MGAT4C: variants seen among roughly 807,000 people sequenced by gnomAD.
MGAT4C encodes the protein MGAT4 family member C.
In MGAT4C, 19 loss-of-function variants were observed where a neutral mutation model predicts 40.1. The observed-to-expected ratio is 0.47, with a 90% CI of 0.33 to 0.70. The LOEUF (loss-of-function observed/expected upper bound fraction) is 0.70. Ranked by LOEUF, MGAT4C falls within the 30% of genes least tolerant of loss-of-function variation. The pLI is 0.02. For synonymous variants in MGAT4C, 181 were observed against 187.1 expected, an observed-to-expected ratio of 0.97 and a Z score of 0.27; for missense variants, 491 against 563.2, an observed-to-expected ratio of 0.87 and a Z score of 1.30.
At chr12:86,587,849 C>T (rs887402409) in intron 2 of MGAT4C, among the ~76,000 whole-genome samples, 5 of 151,518 alleles carry the variant, frequency 3.3e-5, no homozygotes, top group Admixed American at 1.3e-4. Context: ...AGATTTTGGG[C>T]TGAGACAATG....
At chr12:86,165,136 G>GA (rs942700405) in intron 1 of MGAT4C, among the ~76,000 whole-genome samples, 1 of 151,504 alleles carries the variant, frequency 6.6e-6, no homozygotes, top group African/African-American at 2.4e-5. Flanking sequence ...TTGGAAGTTA[G>GA]AAAAAAAGGG....
intron 2 of MGAT4C, among the ~76,000 whole-genome samples, chr12:86,548,403 G>A (rs1242647519): frequency 1.3e-5 from 2 of 152,040 alleles, no homozygotes; most frequent in African/African-American, 2.4e-5. Context: ...GTGAAAATAT[G>A]ACAGTTAACA....
chr12:86,450,980 C>T (rs1031357744), intron 2 of MGAT4C, among the ~76,000 whole-genome samples: 1 of 151,964 alleles, frequency 6.6e-6, no homozygotes, highest in Non-Finnish European at 1.5e-5. Context: ...TGTCATATAT[C>T]TGGTAATTTA....
intron 1 of MGAT4C, among the ~76,000 whole-genome samples, chr12:86,747,578 T>C (rs1951170358): frequency 6.6e-6 from 1 of 151,676 alleles, no homozygotes; most frequent in Non-Finnish European, 1.5e-5. Flanking sequence ...CAGCTATGTG[T>C]TAACAAAGGT....
At chr12:86,074,217 G>T (rs2202207) in intron 1 of MGAT4C, among the ~76,000 whole-genome samples, 17,635 of 152,082 alleles carry the variant, frequency 0.12, 2,515 homozygotes, top group African/African-American at 0.34. Context: ...CAGCCATATG[G>T]AACTGTAAGT....
intron 3 of MGAT4C, among the ~76,000 whole-genome samples, chr12:86,358,011 C>A (rs1955357209): frequency 6.6e-6 from 1 of 151,934 alleles, no homozygotes; most frequent in Non-Finnish European, 1.5e-5. Context: ...AAGAACAACC[C>A]CAAAACACAT....
chr12:86,274,395 T>C (rs1486683272), intron 4 of MGAT4C, among the ~76,000 whole-genome samples: 2 of 152,000 alleles, frequency 1.3e-5, no homozygotes, highest in East Asian at 1.9e-4. Flanking sequence ...ACTATATATA[T>C]AGTATAGTAT....
At chr12:86,172,255 G>A (rs903748953) in intron 1 of MGAT4C, among the ~76,000 whole-genome samples, 3 of 152,026 alleles carry the variant, frequency 2.0e-5, no homozygotes, top group African/African-American at 7.2e-5. Context: ...CATAGGTTCA[G>A]CCACTTGTTT....
intron 2 of MGAT4C, among the ~76,000 whole-genome samples, chr12:86,469,829 A>G (rs1957733023): frequency 6.6e-6 from 1 of 152,150 alleles, no homozygotes; most frequent in Non-Finnish European, 1.5e-5. Flanking sequence ...CCAGCAGATG[A>G]CCAAAATGAT....
intron 4 of MGAT4C, among the ~76,000 whole-genome samples, chr12:86,325,868 C>A (rs1213700906): frequency 1.5e-5 from 2 of 133,420 alleles, no homozygotes; most frequent in African/African-American, 2.6e-5. Context: ...CAGACTGAGA[C>A]CCTGTCTCCA....
chr12:86,825,627 CATT>C (rs527700300), intron 1 of MGAT4C, among the ~76,000 whole-genome samples: 1 of 151,466 alleles, frequency 6.6e-6, no homozygotes, highest in Non-Finnish European at 1.5e-5. Flanking sequence ...AATGGAAACA[CATT>C]AATGAAGAAT....
chr12:86,386,824 AG>A (rs1183326967), intron 3 of MGAT4C, among the ~76,000 whole-genome samples: 1 of 152,174 alleles, frequency 6.6e-6, no homozygotes, highest in African/African-American at 2.4e-5. Context: ...ATATCTTGAT[AG>A]AAATTGTCTC....
chr12:86,117,921 G>C (rs79628726), intron 1 of MGAT4C, among the ~76,000 whole-genome samples: 4 of 152,260 alleles, frequency 2.6e-5, no homozygotes, highest in African/African-American at 9.6e-5. Context: ...GATGTTCCTA[G>C]TGGTAAGAGA....
At chr12:86,785,189 A>G (rs1170529993) in intron 1 of MGAT4C, among the ~76,000 whole-genome samples, 1 of 152,102 alleles carries the variant, frequency 6.6e-6, no homozygotes, top group Non-Finnish European at 1.5e-5. Flanking sequence ...AAACTAAGCT[A>G]TCACAAATGT....
At chr12:86,529,412 T>A (rs953264192) in intron 2 of MGAT4C, among the ~76,000 whole-genome samples, 1 of 152,102 alleles carries the variant, frequency 6.6e-6, no homozygotes, top group Non-Finnish European at 1.5e-5. Context: ...GTAGGAAATG[T>A]AATACACTCT....
At position 86,709,578 on chromosome 12, in the gene MGAT4C, ATATGTATG is replaced by A. The variant is rs61331297; in HGVS notation, c.-229+17623_-229+17630del. 7.9e-5 allele frequency among the ~76,000 whole-genome samples: 12 copies of A among 151,936 alleles called. No individual in the cohort carries two copies. The East Asian group carries it at 9.7e-4, about 12-fold the overall frequency. ...TATGTTTTGAAAACTTTTATTTTAC[ATATGTATG>A]TATGTATGTATGTATGTTTTATAGA... On this transcript the variant is annotated intron_variant, in intron 2 of 7. Transcript: ENST00000548651.
Position 85,961,479 on chromosome 12 carries a change from T to C in MGAT4C, c.*17810A>G, listed in dbSNP as rs969829175. On this transcript the variant is annotated 3_prime_UTR_variant, in exon 5 of 5. Coordinates refer to ENST00000611864, the MANE Select transcript of MGAT4C (RefSeq NM_001351288.2). ...TATAATCAAGATAATTATGTATATATATAAAATTATATATGGTATAGTTTC... is the reference window on the plus strand; with the variant it reads ...TATAATCAAGATAATTATGTATATACATAAAATTATATATGGTATAGTTTC... 1.3e-5 allele frequency: 2 copies of C among 151,810 alleles called. No homozygotes were observed. Among genetic ancestry groups the C allele is most frequent in the South Asian group, 4.1e-4 (2 of 4,828 alleles). 9.4% of individuals were successfully genotyped at this position (151,810 alleles called of 1,614,324 possible). A position where few individuals can be genotyped will look rare whatever the true frequency, so the allele number is the denominator to read the frequency against.
At chr12:86,375,023 T>C (rs1349967001) in intron 3 of MGAT4C, among the ~76,000 whole-genome samples, 2 of 152,178 alleles carry the variant, frequency 1.3e-5, no homozygotes, top group African/African-American at 4.8e-5. Context: ...CACTTTCTTA[T>C]GTTTAGCACT....
chr12:85,996,365 T>C (rs1886620046), intron 2 of MGAT4C, among the ~76,000 whole-genome samples: 1 of 152,116 alleles, frequency 6.6e-6, no homozygotes, highest in Non-Finnish European at 1.5e-5. Flanking sequence ...AGATAAAGAA[T>C]AGCAGGAGAA....
Sources: allele counts gnomAD v4.1 joint callset (sites outside exome capture counted in the v4.1 genomes callset), GRCh38; gene constraint gnomAD v4.1.1; transcripts MANE v1.5; gene names NCBI Gene and HGNC (gene_info 2026-07-23, HGNC 2026-07-21).